The following NCAM1 variants were observed in gnomAD, a reference collection of about 807,000 sequenced individuals.
NCAM1 encodes the protein antigen recognized by monoclonal antibody 5.1H11.
A neutral mutation model predicts 109.8 loss-of-function variants in NCAM1; 14 were observed. That is an observed-to-expected ratio of 0.13 (90% CI 0.08 to 0.20). NCAM1 has a LOEUF of 0.20. Among genes scored for constraint, NCAM1 ranks in the 10% least tolerant of loss-of-function variants. The pLI, the probability that NCAM1 is intolerant of heterozygous loss-of-function variation, is 1.00. For missense variants in NCAM1, 774 were observed against 1,109.9 expected, an observed-to-expected ratio of 0.70 and a Z score of 4.30; for synonymous variants, 418 against 442.9, an observed-to-expected ratio of 0.94 and a Z score of 0.70.
intron 1 of NCAM1, among the ~76,000 whole-genome samples, chr11:113,033,451 A>T (rs1263443234): frequency 6.6e-6 from 1 of 152,306 alleles, no homozygotes; most frequent in East Asian, 1.9e-4. Flanking sequence ...ATGAAAGATT[A>T]AGATGAAAAT....
chr11:113,054,111 C>T (rs1555082203), intron 1 of NCAM1, among the ~76,000 whole-genome samples: 1 of 152,132 alleles, frequency 6.6e-6, no homozygotes, highest in African/African-American at 2.4e-5. Context: ...GACAGATCCC[C>T]CAACCCCAAG....
At chr11:112,968,342 A>G (rs1282785216) in intron 1 of NCAM1, among the ~76,000 whole-genome samples, 2 of 152,226 alleles carry the variant, frequency 1.3e-5, no homozygotes, top group Non-Finnish European at 2.9e-5. Flanking sequence ...AGTGAGATGT[A>G]AGTGCCCGAT....
chr11:113,240,177 G>C (rs1945281479), intron 14 of NCAM1, among the ~76,000 whole-genome samples: 1 of 152,180 alleles, frequency 6.6e-6, no homozygotes, highest in Non-Finnish European at 1.5e-5. Flanking sequence ...ACATTCTGTA[G>C]GGGAGTTTTG....
intron 1 of NCAM1, among the ~76,000 whole-genome samples, chr11:113,156,807 G>T (rs1555103510): frequency 6.6e-6 from 1 of 152,084 alleles, no homozygotes; most frequent in Non-Finnish European, 1.5e-5. Context: ...GAACATATGG[G>T]CAAAGAGGGA....
At chr11:113,123,274 G>C (rs547248709) in intron 1 of NCAM1, among the ~76,000 whole-genome samples, 1 of 152,212 alleles carries the variant, frequency 6.6e-6, no homozygotes, top group Non-Finnish European at 1.5e-5. Context: ...AAACACCCTG[G>C]TTTGATCATT....
chr11:113,258,103 T>G (rs552534441), intron 16 of NCAM1, among the ~76,000 whole-genome samples: 1 of 152,234 alleles, frequency 6.6e-6, no homozygotes, highest in African/African-American at 2.4e-5. Context: ...ACTGTCCAGG[T>G]GACAGTGCTA....
At chr11:113,158,354 T>C (rs1555103801) in intron 1 of NCAM1, among the ~76,000 whole-genome samples, 16 of 152,232 alleles carry the variant, frequency 1.1e-4, no homozygotes. Flanking sequence ...TCAGTAGTTA[T>C]TTCATGAAAA....
At chr11:112,977,157 A>T (rs183175552) in intron 1 of NCAM1, among the ~76,000 whole-genome samples, 235 of 151,512 alleles carry the variant, frequency 1.6e-3, no homozygotes, top group African/African-American at 5.1e-3. Context: ...GTGATTAGAG[A>T]TGCTTCTTAA....
chr11:113,198,411 G>A (rs1211850188), intron 1 of NCAM1, among the ~76,000 whole-genome samples: 15 of 149,542 alleles, frequency 1.0e-4, no homozygotes, highest in Non-Finnish European at 8.9e-5. Flanking sequence ...TTGCTCTGTC[G>A]CCCAGGCTGG....
chr11:113,169,954 A>G (rs2136448079), intron 1 of NCAM1, among the ~76,000 whole-genome samples: 1 of 151,990 alleles, frequency 6.6e-6, no homozygotes, highest in East Asian at 1.9e-4. Flanking sequence ...TTTTCAGGAG[A>G]CATGAAATAA....
chr11:113,013,337 A>G (rs1330526087), intron 1 of NCAM1, among the ~76,000 whole-genome samples: 1 of 151,288 alleles, frequency 6.6e-6, no homozygotes, highest in Non-Finnish European at 1.5e-5. Context: ...GAGCTGGGAG[A>G]ATCCCTTGAA....
chr11:113,275,421 A>G lies in NCAM1; in HGVS notation c.*34A>G. ...GAGAACCGAGCAAAGATCAAAATAA[A>G]AAGTGACACAGCAGCTTCACCAGAG... On this transcript the variant is annotated 3_prime_UTR_variant, in exon 20 of 20. Coordinates refer to ENST00000316851, the MANE Select transcript of NCAM1 (RefSeq NM_181351.5). 6.3e-7 allele frequency: 1 copy of G among 1,598,424 alleles called. No individual in the cohort carries two copies. The highest frequency in any genetic ancestry group is 8.5e-7 in the Non-Finnish European group (1 of 1,172,206).
chr11:113,093,048 G>A (rs1591318040), intron 1 of NCAM1, among the ~76,000 whole-genome samples: 2 of 152,110 alleles, frequency 1.3e-5, no homozygotes, highest in Non-Finnish European at 2.9e-5. Flanking sequence ...TTGAATCTTT[G>A]GAGCCTGGCT....
chr11:113,185,079 T>TATATATAGAGAG, intron 1 of NCAM1, among the ~76,000 whole-genome samples: 4 of 125,736 alleles, frequency 3.2e-5, no homozygotes, highest in East Asian at 5.8e-4. Flanking sequence ...TATATATATA[T>TATATATAGAGAG]AGAGAGAGAG....
intron 1 of NCAM1, among the ~76,000 whole-genome samples, chr11:113,012,754 A>G (rs1453699318): frequency 6.6e-6 from 1 of 152,192 alleles, no homozygotes; most frequent in African/African-American, 2.4e-5. Context: ...TTAGTCCCCA[A>G]GCACATGTGA....
intron 7 of NCAM1, among the ~76,000 whole-genome samples, chr11:113,210,775 AACACACACACACACACACAC>A (rs35387760): frequency 4.6e-5 from 6 of 130,882 alleles, no homozygotes; most frequent in South Asian, 2.8e-4. Flanking sequence ...CTTCATCACA[AACACACACACACACACACAC>A]ACACACACAC....
intron 1 of NCAM1, among the ~76,000 whole-genome samples, chr11:113,155,848 C>T (rs1245126): frequency 0.068 from 10,416 of 152,100 alleles, 722 homozygotes; most frequent in African/African-American, 0.17. Context: ...TTCCTCCACT[C>T]TCCTCCCCAT....
chr11:113,137,509 G>A (rs1407520117), intron 1 of NCAM1, among the ~76,000 whole-genome samples: 1 of 152,098 alleles, frequency 6.6e-6, no homozygotes, highest in African/African-American at 2.4e-5. Flanking sequence ...ATTAATTTGC[G>A]ACTCAACATT....
chr11:113,251,163 G>A (rs1180904525), intron 15 of NCAM1, among the ~76,000 whole-genome samples: 1 of 152,196 alleles, frequency 6.6e-6, no homozygotes, highest in Admixed American at 6.5e-5. Flanking sequence ...AGAAGACACA[G>A]CTAACTCTTG....
Sources: gnomAD v4.1 joint callset for allele counts (sites outside exome capture counted in the v4.1 genomes callset) on GRCh38, gnomAD v4.1.1 for gene constraint, MANE v1.5 for transcripts, NCBI Gene and HGNC (gene_info 2026-07-23, HGNC 2026-07-21) for gene names.